Variants in PHACTR1 observed in about 807,000 individuals in gnomAD.
The protein encoded by PHACTR1 is RPEL repeat containing 1.
PHACTR1 carries 16 observed loss-of-function variants against 69.2 expected under a neutral mutation model. The ratio of observed to expected loss-of-function variants is 0.23; its 90% confidence interval spans 0.16 to 0.35. The LOEUF (loss-of-function observed/expected upper bound fraction) is 0.35, where lower values mean the gene tolerates loss of function less well. Ranked by LOEUF, PHACTR1 falls within the 10% of genes least tolerant of loss-of-function variation. The pLI is 1.00. For missense variants in PHACTR1, 510 were observed against 734.7 expected (o/e 0.69, Z 3.54); for synonymous variants, 312 against 284.5 (o/e 1.10, Z -0.97).
chr6:12,778,584 A>C (rs537417281), intron 4 of PHACTR1, among the ~76,000 whole-genome samples: 106 of 152,326 alleles, frequency 7.0e-4, no homozygotes, highest in Non-Finnish European at 4.4e-4. Context: ...GTTTATCATC[A>C]AAATAAAATC....
intron 4 of PHACTR1, among the ~76,000 whole-genome samples, chr6:12,770,457 G>A (rs1181281305): frequency 6.6e-6 from 1 of 152,152 alleles, no homozygotes; most frequent in Non-Finnish European, 1.5e-5. Context: ...AGACAGGAAG[G>A]CACTGAGGTT....
intron 4 of PHACTR1, among the ~76,000 whole-genome samples, chr6:12,821,833 T>C (rs1368690622): frequency 6.6e-6 from 1 of 152,220 alleles, no homozygotes; most frequent in African/African-American, 2.4e-5. Context: ...AAATAAGTTG[T>C]CAAAGGTCAC....
At chr6:13,027,139 G>A (rs1801806204) in intron 4 of PHACTR1, among the ~76,000 whole-genome samples, 2 of 152,026 alleles carry the variant, frequency 1.3e-5, no homozygotes, top group Admixed American at 1.3e-4. Context: ...GGAAGTGGGT[G>A]GGGAGAAAGA....
chr6:13,146,096 A>C (rs1405911310), intron 5 of PHACTR1, among the ~76,000 whole-genome samples: 2 of 152,246 alleles, frequency 1.3e-5, no homozygotes, highest in African/African-American at 4.8e-5. Flanking sequence ...CTTGGGTTCA[A>C]GTGCAGCTCT....
At chr6:13,228,772 A>G (rs768270424) in intron 9 of PHACTR1, among the ~76,000 whole-genome samples, 6 of 152,238 alleles carry the variant, frequency 3.9e-5, no homozygotes, top group Non-Finnish European at 8.8e-5. Flanking sequence ...TTTTACAGAT[A>G]AGGGCAGAAA....
intron 4 of PHACTR1, among the ~76,000 whole-genome samples, chr6:12,799,085 T>A (rs1773416930): frequency 6.6e-6 from 1 of 152,240 alleles, no homozygotes; most frequent in African/African-American, 2.4e-5. Context: ...AGTGACAACT[T>A]CTAAATGTCA....
chr6:13,224,086 G>A (rs1170076653), intron 8 of PHACTR1, among the ~76,000 whole-genome samples: 1 of 152,060 alleles, frequency 6.6e-6, no homozygotes, highest in Non-Finnish European at 1.5e-5. Flanking sequence ...TATTTCATTC[G>A]GCTAAAGCAA....
chr6:12,856,758 G>A (rs1361935955), intron 4 of PHACTR1, among the ~76,000 whole-genome samples: 1 of 152,216 alleles, frequency 6.6e-6, no homozygotes, highest in East Asian at 1.9e-4. Flanking sequence ...CTCAGCAGCT[G>A]TGGTGAAAGA....
rs58523717 is a variant in PHACTR1, at chr6:12,829,996, G to GAGAGAGAGAT, written c.250+80207_250+80208insGAGAGAGATA. 1.7e-4 allele frequency among the ~76,000 whole-genome samples: 24 copies of GAGAGAGAGAT among 139,942 alleles called. 1 individual carries two copies. Among genetic ancestry groups the GAGAGAGAGAT allele is most frequent in the African/African-American group, 5.7e-4 (21 of 36,950 alleles). The allele number at this position is 139,942 out of a possible 152,430, so 91.8% of individuals were successfully genotyped here. ...AGAGAGAGAGAGAGAGAGAGAGAGA[G>GAGAGAGAGAT]AACGAAAAGAAGGAAGGAAGGAAAA... is the stretch of plus-strand genomic sequence containing the variant. On this transcript the variant is annotated intron_variant, in intron 4 of 14. Coordinates refer to ENST00000332995, the MANE Select transcript of PHACTR1 (RefSeq NM_030948.6).
At chr6:13,197,221 C>G (rs1764564139) in intron 7 of PHACTR1, among the ~76,000 whole-genome samples, 3 of 152,212 alleles carry the variant, frequency 2.0e-5, no homozygotes, top group Non-Finnish European at 4.4e-5. Flanking sequence ...ACTTTATACT[C>G]AGGCCTTCTG....
chr6:12,783,845 T>C (rs1771136271), intron 4 of PHACTR1, among the ~76,000 whole-genome samples: 6 of 152,142 alleles, frequency 3.9e-5, no homozygotes, highest in Admixed American at 2.6e-4. Context: ...AGTGAAATAA[T>C]AAATATCAGC....
intron 3 of PHACTR1, among the ~76,000 whole-genome samples, chr6:12,738,973 T>G (rs1381971331): frequency 6.6e-6 from 1 of 152,230 alleles, no homozygotes; most frequent in Non-Finnish European, 1.5e-5. Context: ...TTATCAAAAC[T>G]AATGAGTACC....
chr6:13,017,426 CATTTA>C (rs1387574521), intron 4 of PHACTR1, among the ~76,000 whole-genome samples: 3 of 152,012 alleles, frequency 2.0e-5, no homozygotes, highest in Non-Finnish European at 2.9e-5. Flanking sequence ...TTTTCTGCTG[CATTTA>C]ATTGTTTTTT....
chr6:13,068,772 C>T, intron 5 of PHACTR1, among the ~76,000 whole-genome samples: 1 of 152,128 alleles, frequency 6.6e-6, no homozygotes, highest in Non-Finnish European at 1.5e-5. Context: ...TTTGCTATGT[C>T]ACGGGCAGAA....
intron 4 of PHACTR1, among the ~76,000 whole-genome samples, chr6:12,835,362 C>T (rs965380880): frequency 1.3e-5 from 2 of 152,030 alleles, no homozygotes; most frequent in Non-Finnish European, 2.9e-5. Context: ...TTGGACCGCT[C>T]CCTGGCCTAA....
intron 4 of PHACTR1, among the ~76,000 whole-genome samples, chr6:13,026,083 A>C (rs1414921097): frequency 6.6e-6 from 1 of 152,230 alleles, no homozygotes; most frequent in Non-Finnish European, 1.5e-5. Context: ...CCAAATACAT[A>C]ATTAGCCATA....
rs869092852 is a variant in PHACTR1 at position 13,195,757 on chromosome 6, C to CAAAAAAAAAAAAAAAAAAA, written c.665-10053_665-10035dup. ...TGGGCGACAGAGAGAGACACCGTCT[C>CAAAAAAAAAAAAAAAAAAA]AAAAAAAAAAAAAAAAAAAAAAAGT... On this transcript the variant is annotated intron_variant, in intron 7 of 14. Coordinates refer to ENST00000332995, the MANE Select transcript of PHACTR1 (RefSeq NM_030948.6). Among the ~76,000 whole-genome samples, 159 of 41,466 alleles carry CAAAAAAAAAAAAAAAAAAA rather than the reference C, an allele frequency of 3.8e-3. 36 individuals are homozygous for CAAAAAAAAAAAAAAAAAAA. The highest frequency in any genetic ancestry group is 9.8e-3 in the African/African-American group (114 of 11,580). The allele number at this position is 41,466 out of a possible 152,430, so 27.2% of individuals were successfully genotyped here.
chr6:12,751,118 A>G (rs1431881458), intron 4 of PHACTR1, among the ~76,000 whole-genome samples: 2 of 152,254 alleles, frequency 1.3e-5, no homozygotes, highest in Non-Finnish European at 2.9e-5. Context: ...AGATGCACTG[A>G]CTAAGCAACC....
At chr6:13,182,209 G>T (rs911830718) in intron 6 of PHACTR1, among the ~76,000 whole-genome samples, 5 of 152,022 alleles carry the variant, frequency 3.3e-5, no homozygotes, top group African/African-American at 1.2e-4. Context: ...CTCCAGCCTG[G>T]GCAACAAGAG....
Sources: gnomAD v4.1 joint callset for allele counts (sites outside exome capture counted in the v4.1 genomes callset) on GRCh38, gnomAD v4.1.1 for gene constraint, MANE v1.5 for transcripts, NCBI Gene and HGNC (gene_info 2026-07-23, HGNC 2026-07-21) for gene names.